Variants in MFN2 observed in about 807,000 individuals in gnomAD.
MFN2 encodes mitofusin 2, also known as mitofusin-2.
MFN2 carries 43 observed loss-of-function variants against 87.5 expected under a neutral mutation model. The ratio of observed to expected loss-of-function variants is 0.49; its 90% CI spans 0.38 to 0.63. The LOEUF (loss-of-function observed/expected upper bound fraction) is 0.63, where lower values mean the gene tolerates loss of function less well. Among genes scored for constraint, MFN2 ranks in the 30% least tolerant of loss-of-function variants. The probability of loss-of-function intolerance (pLI) is 0.00; values close to 1 mark genes in which losing one functional copy is unlikely to be tolerated. For missense variants in MFN2, 743 were observed against 972.8 expected, an observed-to-expected ratio of 0.76 and a Z score of 3.14; for synonymous variants, 337 against 359.9, an observed-to-expected ratio of 0.94 and a Z score of 0.72.
chr1:11,985,185 G>A (rs966881844), intron 2 of MFN2, among the ~76,000 whole-genome samples: 2 of 152,154 alleles, frequency 1.3e-5, no homozygotes, highest in African/African-American at 4.8e-5. Context: ...TGGTTGGTGT[G>A]TGGGGAAGAA....
intron 5 of MFN2, among the ~76,000 whole-genome samples, chr1:11,996,688 G>A (rs1638921934): frequency 6.6e-6 from 1 of 152,206 alleles, no homozygotes; most frequent in African/African-American, 2.4e-5. Context: ...GACACTCTGA[G>A]TTTTCTGAGA....
In MFN2 at chr1:11,987,629, C is replaced by CA. The variant is rs35051330; in HGVS notation, c.-4-1535dup. Reference sequence around the variant, plus strand: ...TGAGCGATAGAGCAAGACTCTGTCTCAGAAAAAAAAAAAAAAAATGTTGGC... The same window carrying CA: ...TGAGCGATAGAGCAAGACTCTGTCTCAAGAAAAAAAAAAAAAAAATGTTGGC... On this transcript the variant is annotated intron_variant, in intron 2 of 18. Coordinates refer to ENST00000235329, the MANE Select transcript of MFN2 (RefSeq NM_014874.4). Among the ~76,000 whole-genome samples, 1,285 of 134,820 alleles carry CA rather than the reference C, an allele frequency of 9.5e-3. 90 individuals are homozygous for CA. Among genetic ancestry groups the CA allele is most frequent in the African/African-American group, 0.014 (493 of 35,648 alleles). 88.4% of individuals were successfully genotyped at this position (134,820 alleles called of 152,430 possible).
Position 12,001,423 on chromosome 1 carries a change from G to A in MFN2, c.839G>A (p.Arg280His), listed in dbSNP as rs28940294. 3 of 1,613,796 alleles carry A rather than the reference G, an allele frequency of 1.9e-6. No individual in the cohort carries two copies. The highest frequency in any genetic ancestry group is 1.1e-5 in the South Asian group (1 of 91,012). Residue 280 changes from arginine to histidine, a missense_variant, in exon 9 of 19, where the codon CGT becomes CAT. By Grantham distance (29) the Arg-to-His change is conservative (BLOSUM62 0). Coordinates refer to ENST00000235329, the MANE Select transcript of MFN2 (RefSeq NM_014874.4). The stretch of plus-strand genomic sequence containing the variant: ...CAGGTGCGGCGGCAGCACATGGAGC[G>A]TTGTACCAGCTTCCTGGTGGATGAG... ...MEEVRRQHME[R>H]CTSFLVDELG...
chr1:12,005,909 C>T lies in MFN2; in HGVS notation c.1694C>T (p.Ala565Val), dbSNP rs770243526. 4 of 1,613,652 alleles carry T rather than the reference C, an allele frequency of 2.5e-6. No individual in the cohort carries two copies. Among genetic ancestry groups the T allele is most frequent in the Non-Finnish European group, 3.4e-6 (4 of 1,180,024 alleles). ...RFLGPKNSRR[A>V]LMGYNDQVQR... ...CTGGGCCCCAAGAACAGCCGTCGGG[C>T]CTTGATGGGCTACAATGACCAGGCA... Residue 565 changes from alanine to valine, a missense_variant, in exon 15 of 19, where the codon GCC (alanine) becomes GTC (valine). Around this residue, in one of 3 missense-constraint regions of MFN2, gnomAD observed 571 missense variants for 670.7 expected, o/e 0.85. Coordinates refer to ENST00000235329, the MANE Select transcript of MFN2 (RefSeq NM_014874.4).
At chr1:11,987,554 C>T (rs534357296) in intron 2 of MFN2, among the ~76,000 whole-genome samples, 7 of 143,484 alleles carry the variant, frequency 4.9e-5, no homozygotes, top group Admixed American at 2.2e-4. Flanking sequence ...AGCTTGAACT[C>T]GGGAGGTGGT....
chr1:11,991,569 G>C (rs1409744529), intron 3 of MFN2, among the ~76,000 whole-genome samples: 2 of 152,156 alleles, frequency 1.3e-5, no homozygotes, highest in Non-Finnish European at 2.9e-5. Context: ...GATATGGTGA[G>C]GGAGACCGTG....
chr1:12,005,840 A>C lies in MFN2; in HGVS notation c.1625A>C (p.Glu542Ala), dbSNP rs887870089. Residue 542 changes from glutamate (E) to alanine (A), a missense_variant, in exon 15 of 19, where the codon GAG (glutamate) becomes GCG (alanine). Physicochemically the swap from Glu to Ala is moderately radical, Grantham distance 107. This residue lies in a region of MFN2 where 571 missense variants were observed against 670.7 expected (regional missense o/e 0.85). Transcript: ENST00000235329. ...TGTGCTGACTTCCAGGAAGACATTG[A>C]GTTCCATTTCTCTCTCGGATGGACC... ...KLCADFQEDIEFHFSLGWTML... is the reference protein window; with the variant it reads ...KLCADFQEDIAFHFSLGWTML... 2 of 1,614,148 alleles carry C rather than the reference A, an allele frequency of 1.2e-6. No homozygotes were observed. The highest frequency in any genetic ancestry group is 3.3e-5 in the Admixed American group (2 of 60,022).
chr1:12,011,033 C>T (rs193078548), intron 18 of MFN2, among the ~76,000 whole-genome samples: 6,514 of 152,012 alleles, frequency 0.043, 198 homozygotes, highest in East Asian at 0.083. Context: ...GTGCCCCCCC[C>T]GCACCCCCAC....
In MFN2 at chr1:11,993,774, T is replaced by G. The variant is rs567890422; in HGVS notation, c.311+1084T>G. On this transcript the variant is annotated intron_variant, in intron 4 of 18. Transcript: ENST00000235329. The stretch of plus-strand genomic sequence containing the variant: ...AATCTAAAAATAAGTTAAATACGTG[T>G]TTTTTTTGTTTTGTTTTACTGCTAG... Among the ~76,000 whole-genome samples, 96 of 150,908 alleles carry G rather than the reference T, an allele frequency of 6.4e-4. 2 individuals are homozygous for G. In the South Asian group the frequency reaches 0.02, roughly 31 times the overall value.
At chr1:12,007,336 C>A in intron 17 of MFN2, 87 bp downstream of exon 17, 1 of 1,506,930 alleles carries the variant, frequency 6.6e-7, no homozygotes, top group Non-Finnish European at 9.0e-7. Context: ...TCCCACGTGG[C>A]CTGGAAGCCA....
chr1:11,995,277 AAAC>A (rs200208569), intron 4 of MFN2, among the ~76,000 whole-genome samples: 51 of 151,712 alleles, frequency 3.4e-4, no homozygotes, highest in Non-Finnish European at 3.7e-4. Flanking sequence ...CAAAAAAAAC[AAAC>A]AACAACAACA....
chr1:12,004,961 C>T lies in MFN2; in HGVS notation c.1495+34C>T. ...CCATGGGGAACTGGGCAGCTGTGGCCCTGGGCTGCCCAAAGATCAGATGCG... is the reference window on the plus strand; with the variant it reads ...CCATGGGGAACTGGGCAGCTGTGGCTCTGGGCTGCCCAAAGATCAGATGCG... On this transcript the variant is annotated intron_variant, in intron 14 of 18. Transcript: ENST00000235329. The surrounding 1 kb of genome is among the most constrained non-coding windows in gnomAD (Gnocchi z 4.2). 2 of 1,543,156 alleles carry T rather than the reference C, an allele frequency of 1.3e-6. No individual in the cohort carries two copies. Among genetic ancestry groups the T allele is most frequent in the Non-Finnish European group, 1.8e-6 (2 of 1,129,670 alleles).
intron 8 of MFN2, among the ~76,000 whole-genome samples, chr1:12,000,060 G>C (rs757648053): frequency 6.6e-6 from 1 of 151,376 alleles, no homozygotes; most frequent in African/African-American, 2.4e-5. Context: ...TTGTGCCACT[G>C]TACTCCAGCC....
chr1:11,986,256 T>G (rs958748145), intron 2 of MFN2, among the ~76,000 whole-genome samples: 1 of 152,326 alleles, frequency 6.6e-6, no homozygotes, highest in Admixed American at 6.5e-5. Flanking sequence ...CAACATACTT[T>G]GGCCCCATTT....
chr1:11,981,701 C>A (rs1208235038), intron 1 of MFN2: 1 of 152,420 alleles, frequency 6.6e-6, no homozygotes, highest in African/African-American at 2.4e-5. Context: ...TCTGGATGTA[C>A]CTTTCCCAGG....
rs774330626 is a variant in MFN2 at position 11,985,455 on chromosome 1, C to CT, written c.-5+3368dup. On this transcript the variant is annotated intron_variant, in intron 2 of 18. Coordinates refer to ENST00000235329, the MANE Select transcript of MFN2 (RefSeq NM_014874.4). ...CTATATCATGCCCCATCCTTGATCC[C>CT]TTTTTTTTTTTTTTTTTTTTTTTTT... Among the ~76,000 whole-genome samples, 645 of 119,700 alleles carry CT rather than the reference C, an allele frequency of 5.4e-3. 22 individuals carry two copies. Among genetic ancestry groups the CT allele is most frequent in the African/African-American group, 0.015 (401 of 26,632 alleles). The allele number at this position is 119,700 out of a possible 152,430, so 78.5% of individuals were successfully genotyped here.
chr1:12,008,667 G>A (rs980839797), intron 17 of MFN2, among the ~76,000 whole-genome samples: 5 of 151,748 alleles, frequency 3.3e-5, no homozygotes, highest in Non-Finnish European at 5.9e-5. Flanking sequence ...GGGCAGAGGC[G>A]CTCCCCACTT....
In MFN2 at chr1:11,997,404, C is replaced by A; in HGVS notation, c.582C>A (p.Asp194Glu). 1 of 1,614,152 alleles carries A rather than the reference C, an allele frequency of 6.2e-7. No individual in the cohort carries two copies. Among genetic ancestry groups the A allele is most frequent in the Non-Finnish European group, 8.5e-7 (1 of 1,179,990 alleles). Residue 194 changes from aspartate to glutamate, a missense_variant, in exon 6 of 19, where the codon GAC (aspartate) becomes GAA (glutamate). Physicochemically the swap from Asp to Glu is conservative, Grantham distance 45 (BLOSUM62 2). Around this residue, in one of 3 missense-constraint regions of MFN2, gnomAD observed 141 missense variants for 278.9 expected, o/e 0.51. Coordinates refer to ENST00000235329, the MANE Select transcript of MFN2 (RefSeq NM_014874.4). ...PNSKCPLLKD[D>E]LVLMDSPGID... The stretch of plus-strand genomic sequence containing the variant: ...CTAAGTGCCCACTTCTGAAGGATGA[C>A]CTCGTTTTGATGGACAGGTAAGAGG...
At chr1:12,006,068 C>T in intron 15 of MFN2, 137 bp downstream of exon 15, 1 of 757,238 alleles carries the variant, frequency 1.3e-6, no homozygotes, top group South Asian at 1.6e-5. Flanking sequence ...CAGTACACCA[C>T]AGACAGAATT....
Sources: gnomAD v4.1 joint callset for allele counts (sites outside exome capture counted in the v4.1 genomes callset) on GRCh38, gnomAD v4.1.1 for gene constraint, gnomAD v4.1.1 regional missense constraint, Gnocchi (gnomAD v3.1) non-coding constraint, MANE v1.5 for transcripts, NCBI Gene and HGNC (gene_info 2026-07-23, HGNC 2026-07-21) for gene names.